Variants in OAS3 observed in about 807,000 individuals in gnomAD.
OAS3 encodes the protein 2'-5'-oligoadenylate synthase 3.
Under a neutral mutation model 113.0 loss-of-function variants are expected in OAS3, and 107 were observed. The ratio of observed to expected loss-of-function variants is 0.95; its 90% confidence interval spans 0.81 to 1.11. The LOEUF (loss-of-function observed/expected upper bound fraction) is 1.11, where lower values mean the gene tolerates loss of function less well. OAS3 is among the 50% of genes most tolerant of loss of function. OAS3 has a pLI of 0.00. For missense variants in OAS3, 1,258 were observed against 1,389.1 expected (o/e 0.91, Z 1.50); for synonymous variants, 552 against 573.6 (o/e 0.96, Z 0.54).
rs771904071 is a variant in OAS3 at position 112,965,945 on chromosome 12, C to T, written c.2605C>T (p.Arg869Cys). Residue 869 changes from arginine (R) to cysteine (C), a missense_variant, in exon 12 of 16, where the codon CGC becomes TGC. By Grantham distance (180) the Arg-to-Cys change is radical. Coordinates refer to ENST00000228928, the MANE Select transcript of OAS3 (RefSeq NM_006187.4). ...KFEVSKWENP[R>C]VLSFSLTSQT... ...TGAAGTCTCCAAATGGGAGAATCCC[C>T]GCGTGCTGAGCTTCTCACTGACATC... 2.1e-5 allele frequency: 34 copies of T among 1,613,764 alleles called. No individual in the cohort carries two copies. In the Admixed American group the frequency reaches 2.3e-4, roughly 11 times the overall value.
Position 112,963,166 on chromosome 12 carries a change from G to A in OAS3, c.2085-147G>A. 9.4e-7 allele frequency: 1 copy of A among 1,065,524 alleles called. No homozygotes were observed. Among genetic ancestry groups the A allele is most frequent in the Non-Finnish European group, 1.3e-6 (1 of 759,818 alleles). The allele number at this position is 1,065,524 out of a possible 1,614,324, so 66.0% of individuals were successfully genotyped here. A position where few individuals can be genotyped will look rare whatever the true frequency, so the allele number is the denominator to read the frequency against. On this transcript the variant is annotated intron_variant, in intron 9 of 15. Coordinates refer to ENST00000228928, the MANE Select transcript of OAS3 (RefSeq NM_006187.4). This position sits in a 1 kb window ranked among gnomAD's most constrained non-coding sequence, Gnocchi z 4.6. ...AGCTTTCCAACCAAGGCAGCCAATTGAGATCGCTTCTGCACTTGGGCAAGA... is the reference window on the plus strand; with the variant it reads ...AGCTTTCCAACCAAGGCAGCCAATTAAGATCGCTTCTGCACTTGGGCAAGA...
rs755966623 is a variant in OAS3 at position 112,946,761 on chromosome 12, TG to T, written c.657del (p.Trp219Ter). ...WYHQVCLQGLWKETLPPVYAL... is the reference protein window; with the variant it reads ...WYHQVCLQGLXKETLPPVYAL... ...CTCACAGGTGTGCCTACAGGGGTTG[TG>T]GAAGGAGACGCTGCCCCCGGTCTAT... On this transcript the variant is annotated frameshift_variant, in exon 4 of 16. Coordinates refer to ENST00000228928, the MANE Select transcript of OAS3 (RefSeq NM_006187.4). LOFTEE classifies it high-confidence loss of function. 3 of 1,610,896 alleles carry T rather than the reference TG, an allele frequency of 1.9e-6. No homozygotes were observed. The African/African-American group carries it at 4.0e-5, about 22-fold the overall frequency.
intron 7 of OAS3, among the ~76,000 whole-genome samples, chr12:112,956,952 T>C (rs1339594891): frequency 6.6e-6 from 1 of 152,204 alleles, no homozygotes; most frequent in Non-Finnish European, 1.5e-5. Context: ...CAGTCTCCCA[T>C]TATTATTGTG....
At chr12:112,939,364 G>A (rs1473120392) in intron 1 of OAS3, among the ~76,000 whole-genome samples, 3 of 140,990 alleles carry the variant, frequency 2.1e-5, no homozygotes, top group African/African-American at 8.0e-5. Context: ...CTGTCACCCA[G>A]GCTGGAGTGC....
At chr12:112,966,118 G>T in intron 12 of OAS3, 89 bp downstream of exon 12, 1 of 1,309,650 alleles carries the variant, frequency 7.6e-7, no homozygotes, top group Non-Finnish European at 1.1e-6. Context: ...TACACAACCA[G>T]GCCACATCTG....
rs2240188 is a variant in OAS3, at chr12:112,965,879, C to T, written c.2539C>T (p.Leu847=). The change falls in exon 12 of 16, where the codon CTG becomes TTG. Residue 847 remains leucine (L), a synonymous_variant. Transcript: ENST00000228928. The part of the protein sequence containing the change: ...AEIISEIRAQ[L]EACQQERQFE... ...GATCATCTCCGAGATCCGAGCCCAG[C>T]TGGAGGCATGTCAACAGGAGCGGCA... The T allele has an allele frequency of 0.27, 439,721 of 1,612,904 alleles. 61,715 individuals are homozygous for T. The highest frequency in any genetic ancestry group is 0.39 in the African/African-American group (29,442 of 74,960).
intron 8 of OAS3, among the ~76,000 whole-genome samples, chr12:112,962,090 C>T (rs977338295): frequency 3.3e-5 from 5 of 152,222 alleles, no homozygotes; most frequent in African/African-American, 7.2e-5. Flanking sequence ...AGCCACCATG[C>T]CCCAGCCTTG....
At chr12:112,950,671 T>C in intron 6 of OAS3, 22 bp from the exon 7 acceptor site, 1 of 1,612,640 alleles carries the variant, frequency 6.2e-7, no homozygotes. Context: ...GTCCCTGATC[T>C]GAGCTGTTCT....
chr12:112,966,082 C>T, intron 12 of OAS3, 53 bp downstream of exon 12: 1 of 1,588,486 alleles, frequency 6.3e-7, no homozygotes, highest in Non-Finnish European at 8.6e-7. Flanking sequence ...GCAGGGCCGC[C>T]ATGGGCAGTT....
In OAS3 at chr12:112,942,975, TCACCCA is replaced by T. The variant is rs1201000725; in HGVS notation, c.460+1124_460+1129del. Among the ~76,000 whole-genome samples, 17 of 152,162 alleles carry T rather than the reference TCACCCA, an allele frequency of 1.1e-4. No individual in the cohort carries two copies. In the South Asian group the frequency reaches 3.5e-3, roughly 32 times the overall value. On this transcript the variant is annotated intron_variant, in intron 2 of 15. Transcript: ENST00000228928. ...ATTTTTAAGACAGGGTCTCACTCTG[TCACCCA>T]GGTTGGAGTGTGGTGGCATGATCTT...
At chr12:112,949,325 G>A in intron 6 of OAS3, 120 bp downstream of exon 6, 1 of 748,736 alleles carries the variant, frequency 1.3e-6, no homozygotes, top group Non-Finnish European at 2.1e-6. Flanking sequence ...CAGGAAGGAT[G>A]ATTTGCTGGC....
chr12:112,951,189 A>C (rs2043787970), intron 7 of OAS3, among the ~76,000 whole-genome samples: 1 of 152,236 alleles, frequency 6.6e-6, no homozygotes, highest in Non-Finnish European at 1.5e-5. Context: ...TGTTTCAAGC[A>C]TACAGAAAAC....
Position 112,970,958 on chromosome 12 carries a change from G to A in OAS3, c.*985G>A, listed in dbSNP as rs2043978849. ...ATTCTGCATCCCCACAGCCTAAACTGAGCCAGTGGCCAAACAACCGTGCTC... is the reference window on the plus strand; with the variant it reads ...ATTCTGCATCCCCACAGCCTAAACTAAGCCAGTGGCCAAACAACCGTGCTC... On this transcript the variant is annotated 3_prime_UTR_variant, in exon 16 of 16. Coordinates refer to ENST00000228928, the MANE Select transcript of OAS3 (RefSeq NM_006187.4). 6.6e-6 allele frequency: 1 copy of A among 152,170 alleles called. No homozygotes were observed. Among genetic ancestry groups the A allele is most frequent in the South Asian group, 2.1e-4 (1 of 4,820 alleles). The allele number at this position is 152,170 out of a possible 1,614,324, so 9.4% of individuals were successfully genotyped here.
In OAS3 at chr12:112,946,741, A is replaced by G. The variant is rs1354121670; in HGVS notation, c.637-2A>G. 4 of 1,605,298 alleles carry G rather than the reference A, an allele frequency of 2.5e-6. No individual in the cohort carries two copies. The highest frequency in any genetic ancestry group is 3.4e-6 in the Non-Finnish European group (4 of 1,175,894). On this transcript the variant is annotated splice_acceptor_variant, in intron 3 of 15. Transcript: ENST00000228928. LOFTEE classifies it high-confidence loss of function. ...GAGTCCCCTGCCGATGCCCTCTCAC[A>G]GGTGTGCCTACAGGGGTTGTGGAAG...
At position 112,970,054 on chromosome 12, in the gene OAS3, C is replaced by T; in HGVS notation, c.*81C>T. 1 of 1,497,180 alleles carries T rather than the reference C, an allele frequency of 6.7e-7. No individual in the cohort carries two copies. Among genetic ancestry groups the T allele is most frequent in the Non-Finnish European group, 9.2e-7 (1 of 1,089,500 alleles). The allele number at this position is 1,497,180 out of a possible 1,614,324, so 92.7% of individuals were successfully genotyped here. The stretch of plus-strand genomic sequence containing the variant: ...GCATGAGGAAATTCAGGGTCCCCTA[C>T]CAGATGAGAGAGATTGTGTACATGT... On this transcript the variant is annotated 3_prime_UTR_variant, in exon 16 of 16. Transcript: ENST00000228928.
chr12:112,958,498 G>C (rs1215605541), intron 7 of OAS3, among the ~76,000 whole-genome samples: 1 of 152,244 alleles, frequency 6.6e-6, no homozygotes, highest in South Asian at 2.1e-4. Flanking sequence ...GGTCTTTGAT[G>C]ATGGTGACGT....
chr12:112,968,529 G>GT (rs1005677615), intron 14 of OAS3, among the ~76,000 whole-genome samples: 29 of 152,028 alleles, frequency 1.9e-4, no homozygotes, highest in African/African-American at 7.0e-4. Flanking sequence ...TGTTGTTGTT[G>GT]TTGTTTGTTT....
rs188757322 is a variant in OAS3 at position 112,961,002 on chromosome 12, T to C, written c.1658-69T>C. On this transcript the variant is annotated intron_variant, in intron 7 of 15. Coordinates refer to ENST00000228928, the MANE Select transcript of OAS3 (RefSeq NM_006187.4). ...TAGAATATTCATAAAGGCTGGTGAA[T>C]GGATGGGTTGGTAAATGCTGCTGTC... is the stretch of plus-strand genomic sequence containing the variant. 3,094 of 1,456,796 alleles carry C rather than the reference T, an allele frequency of 2.1e-3. 8 individuals are homozygous for C. Among genetic ancestry groups the C allele is most frequent in the Non-Finnish European group, 2.8e-3 (2,904 of 1,052,868 alleles). 90.2% of individuals were successfully genotyped at this position (1,456,796 alleles called of 1,614,324 possible). A position where few individuals can be genotyped will look rare whatever the true frequency, so the allele number is the denominator to read the frequency against.
chr12:112,957,801 A>C (rs928635659), intron 7 of OAS3, among the ~76,000 whole-genome samples: 10 of 152,040 alleles, frequency 6.6e-5, no homozygotes, highest in African/African-American at 2.4e-4. Context: ...GGTGAATCTG[A>C]CAATTATGTG....
Sources: allele counts gnomAD v4.1 joint callset (sites outside exome capture counted in the v4.1 genomes callset), GRCh38; gene constraint gnomAD v4.1.1; non-coding constraint Gnocchi (gnomAD v3.1); transcripts MANE v1.5; gene names NCBI Gene and HGNC (gene_info 2026-07-23, HGNC 2026-07-21).